Variants in MKS1 observed in about 807,000 individuals in gnomAD.
The protein encoded by MKS1 is MKS transition zone complex subunit 1.
In MKS1, 70 loss-of-function variants were observed where a neutral mutation model predicts 83.7. The ratio of observed to expected loss-of-function variants is 0.84; its 90% CI spans 0.69 to 1.02. The LOEUF is 1.02. Among genes scored for constraint, MKS1 ranks in the 50% least tolerant of loss-of-function variants. MKS1 has a pLI of 0.00. For missense variants in MKS1, 681 were observed against 726.9 expected (o/e 0.94, Z 0.73); for synonymous variants, 251 against 273.4 (o/e 0.92, Z 0.81).
intron 5 of MKS1, 142 bp downstream of exon 5, chr17:58,214,599 T>A: frequency 9.7e-7 from 1 of 1,034,762 alleles, no homozygotes; most frequent in Non-Finnish European, 1.3e-6. Flanking sequence ...AGGAAGATAT[T>A]TTATATTTTT....
chr17:58,210,612 A>T (rs1164799955), intron 11 of MKS1, 47 bp downstream of exon 11: 2 of 1,548,750 alleles, frequency 1.3e-6, no homozygotes, highest in Non-Finnish European at 1.8e-6. Context: ...ATGCCTCTAG[A>T]TCTGTCTGAA....
rs794727070 is a variant in MKS1, at chr17:58,208,585, T to G, written c.1025-2A>C. On this transcript the variant is annotated splice_acceptor_variant, in intron 11 of 17. Transcript: ENST00000393119. LOFTEE classifies it high-confidence loss of function. The stretch of plus-strand genomic sequence containing the variant: ...GCTGGAATGCTGGGCTTGACCAGTC[T>G]GAAAGCCAAAGACCAAATATAGTAA... 1 of 1,614,070 alleles carries G rather than the reference T, an allele frequency of 6.2e-7. No individual in the cohort carries two copies. Among genetic ancestry groups the G allele is most frequent in the Non-Finnish European group, 8.5e-7 (1 of 1,179,964 alleles).
In MKS1 at chr17:58,208,671, T is replaced by C. The variant is rs1183803317; in HGVS notation, c.1025-88A>G. 5.5e-6 allele frequency: 7 copies of C among 1,276,756 alleles called. No individual in the cohort carries two copies. The African/African-American group carries it at 6.0e-5, about 11-fold the overall frequency. 79.1% of individuals were successfully genotyped at this position (1,276,756 alleles called of 1,614,324 possible). A position where few individuals can be genotyped will look rare whatever the true frequency, so the allele number is the denominator to read the frequency against. Reference sequence around the variant, plus strand: ...GACAGTTTCTTTTTTCTTTTCTTTTTTTTTTTTGTATTTATTGATCATTCT... The same window carrying C: ...GACAGTTTCTTTTTTCTTTTCTTTTCTTTTTTTGTATTTATTGATCATTCT... On this transcript the variant is annotated intron_variant, in intron 11 of 17. Transcript: ENST00000393119.
Position 58,208,506 on chromosome 17 carries a change from T to C in MKS1, c.1095+7A>G. The stretch of plus-strand genomic sequence containing the variant: ...CCCTTCCAGATACCCGCTCTCATTC[T>C]CCATACCATTGCCAGGGACTTGGTG... On this transcript the variant is annotated splice_region_variant and intron_variant, in intron 12 of 17. Coordinates refer to ENST00000393119, the MANE Select transcript of MKS1 (RefSeq NM_017777.4). 1.2e-6 allele frequency: 2 copies of C among 1,613,800 alleles called. No homozygotes were observed. Among genetic ancestry groups the C allele is most frequent in the Non-Finnish European group, 1.7e-6 (2 of 1,179,740 alleles).
intron 15 of MKS1, 117 bp downstream of exon 15, chr17:58,206,968 G>A: frequency 7.0e-7 from 1 of 1,428,376 alleles, no homozygotes; most frequent in Non-Finnish European, 9.9e-7. Flanking sequence ...CCACAGGAAG[G>A]AAGGGGTTAA....
chr17:58,213,722 G>A (rs866879667), intron 7 of MKS1, 43 bp downstream of exon 7: 2 of 1,469,216 alleles, frequency 1.4e-6, no homozygotes, highest in Middle Eastern at 1.8e-4. Flanking sequence ...GCAACCAAGG[G>A]AAGGAATGCC....
rs1968739954 is a variant in MKS1 at position 58,209,386 on chromosome 17, C to T, written c.1025-803G>A. On this transcript the variant is annotated intron_variant, in intron 11 of 17. Transcript: ENST00000393119. This position sits in a 1 kb window ranked among gnomAD's most constrained non-coding sequence, Gnocchi z 4.1. The stretch of plus-strand genomic sequence containing the variant: ...AGATCCCCATCTCTCATGGAGCTGA[C>T]ATTCTGGGGGAAGCAGGGAGACAGA... Among the ~76,000 whole-genome samples the T allele has an allele frequency of 6.6e-6, 1 of 152,160 alleles. No individual in the cohort carries two copies. Among genetic ancestry groups the T allele is most frequent in the Non-Finnish European group, 1.5e-5 (1 of 68,034 alleles).
chr17:58,207,250 T>C (rs1392484128), intron 14 of MKS1, 32 bp from the exon 15 acceptor site: 6 of 1,612,690 alleles, frequency 3.7e-6, no homozygotes, highest in Middle Eastern at 1.9e-4. Context: ...TGGGGCCAGG[T>C]CCAGAAAGGG....
Position 58,205,480 on chromosome 17 carries a change from CA to C in MKS1, c.*598del. On this transcript the variant is annotated 3_prime_UTR_variant, in exon 18 of 18. Transcript: ENST00000393119. Reference sequence around the variant, plus strand: ...GTTTATGTAACAAAAAACAAAAAAACAAACAAACAAAAAAACACAGTAAAAG... The same window carrying C: ...GTTTATGTAACAAAAAACAAAAAAACAACAAACAAAAAAACACAGTAAAAG... 8.0e-7 allele frequency: 1 copy of C among 1,251,758 alleles called. No individual in the cohort carries two copies. The highest frequency in any genetic ancestry group is 1.0e-6 in the Non-Finnish European group (1 of 968,974). The allele number at this position is 1,251,758 out of a possible 1,614,324, so 77.5% of individuals were successfully genotyped here.
At position 58,209,551 on chromosome 17, in the gene MKS1, A is replaced by G. The variant is rs1041546602; in HGVS notation, c.1025-968T>C. Among the ~76,000 whole-genome samples the G allele has an allele frequency of 3.3e-5, 5 of 152,190 alleles. No individual in the cohort carries two copies. Among genetic ancestry groups the G allele is most frequent in the African/African-American group, 1.2e-4 (5 of 41,430 alleles). The stretch of plus-strand genomic sequence containing the variant: ...CCTCTCAGAGGCGACACAGGCTGAG[A>G]CCTAAACTCAGAAAGAACCAGCCAT... On this transcript the variant is annotated intron_variant, in intron 11 of 17. Transcript: ENST00000393119. This position sits in a 1 kb window ranked among gnomAD's most constrained non-coding sequence, Gnocchi z 4.1.
In MKS1 at chr17:58,205,598, C is replaced by G. The variant is rs1355254525; in HGVS notation, c.*481G>C. On this transcript the variant is annotated 3_prime_UTR_variant, in exon 18 of 18. Transcript: ENST00000393119. ...TATCTCAACCTCAGCAAGCCCCAAG[C>G]AGTAGAATGAGGCTTCCCTGGAAAG... The G allele has an allele frequency of 2.3e-6, 3 of 1,305,876 alleles. No individual in the cohort carries two copies. The African/African-American group carries it at 4.6e-5, about 20-fold the overall frequency. The allele number at this position is 1,305,876 out of a possible 1,614,324, so 80.9% of individuals were successfully genotyped here. A position where few individuals can be genotyped will look rare whatever the true frequency, so the allele number is the denominator to read the frequency against.
intron 4 of MKS1, 163 bp downstream of exon 4, chr17:58,215,925 A>G: frequency 1.2e-6 from 1 of 857,254 alleles, no homozygotes; most frequent in Non-Finnish European, 1.9e-6. Context: ...GACTGTGCCC[A>G]TTCTATTCCA....
chr17:58,207,964 G>T lies in MKS1; in HGVS notation c.1203C>A (p.Val401=), dbSNP rs1567796495. Residue 401 remains valine (V), a synonymous_variant, in exon 14 of 18, where the codon GTC becomes GTA. Transcript: ENST00000393119. ...LPEWPVLYCE[V]LSLDFWQRYR... is the part of the protein sequence containing the mutation. ...ACCTCTGCCAGAAGTCCAGCGAGAG[G>T]ACCTCACAGTAGAGCACAGGCCACT... The T allele has an allele frequency of 6.2e-7, 1 of 1,614,142 alleles. No individual in the cohort carries two copies.
At position 58,210,063 on chromosome 17, in the gene MKS1, G is replaced by C. The variant is rs539604613; in HGVS notation, c.1024+596C>G. 2.6e-5 allele frequency among the ~76,000 whole-genome samples: 4 copies of C among 152,346 alleles called. No homozygotes were observed. The East Asian group carries it at 7.7e-4, about 29-fold the overall frequency. On this transcript the variant is annotated intron_variant, in intron 11 of 17. Coordinates refer to ENST00000393119, the MANE Select transcript of MKS1 (RefSeq NM_017777.4). Reference sequence around the variant, plus strand: ...CTAGGTTTTTGGCATCAACAACTCAGTAGATGACACTGCCATTCTGTTAGG... The same window carrying C: ...CTAGGTTTTTGGCATCAACAACTCACTAGATGACACTGCCATTCTGTTAGG...
Position 58,206,030 on chromosome 17 carries a change from G to T in MKS1, c.*49C>A, listed in dbSNP as rs371962780. 130 of 1,571,202 alleles carry T rather than the reference G, an allele frequency of 8.3e-5. No individual in the cohort carries two copies. Among genetic ancestry groups the T allele is most frequent in the Non-Finnish European group, 1.1e-4 (128 of 1,159,772 alleles). On this transcript the variant is annotated 3_prime_UTR_variant, in exon 18 of 18. Transcript: ENST00000393119. ...AAGAGGCAGGAGAGCACTGGCCTCA[G>T]ATATCCCCCATCTTGTCCTCTTGCA...
chr17:58,210,618 CTGAA>C, intron 11 of MKS1, 37 bp downstream of exon 11: 4 of 1,570,352 alleles, frequency 2.5e-6, no homozygotes, highest in Non-Finnish European at 3.5e-6. Flanking sequence ...CTAGATCTGT[CTGAA>C]TGGGTATAAA....
chr17:58,215,336 T>A (rs923544342), intron 4 of MKS1, among the ~76,000 whole-genome samples: 1 of 152,202 alleles, frequency 6.6e-6, no homozygotes, highest in African/African-American at 2.4e-5. Context: ...CATAGCTCAC[T>A]GCAACCTTGA....
intron 9 of MKS1, chr17:58,211,240 G>A (rs913544353): frequency 3.4e-6 from 2 of 582,590 alleles, no homozygotes; most frequent in African/African-American, 3.7e-5. Flanking sequence ...TTAAATGGCA[G>A]TGAGGACAAT....
At position 58,214,364 on chromosome 17, in the gene MKS1, C is replaced by A. The variant is rs145764409; in HGVS notation, c.539G>T (p.Arg180Leu). ...RGMEGGILKS[R>L]IVTWEPSEEF... ...TTCTGAGGGCTCCCAGGTGACGATG[C>A]GTGACTTGAGGATGCCGCCCTCCCT... Residue 180 changes from arginine to leucine, a missense_variant, in exon 6 of 18, where the codon CGC (arginine) becomes CTC (leucine). Around this residue, in one of 3 missense-constraint regions of MKS1, gnomAD observed 365 missense variants for 383.8 expected, o/e 0.95. Transcript: ENST00000393119. 4 of 1,613,552 alleles carry A rather than the reference C, an allele frequency of 2.5e-6. No individual in the cohort carries two copies. The highest frequency in any genetic ancestry group is 2.2e-5 in the East Asian group (1 of 44,884).
Sources: allele counts gnomAD v4.1 joint callset (sites outside exome capture counted in the v4.1 genomes callset), GRCh38; gene constraint gnomAD v4.1.1; regional missense constraint gnomAD v4.1.1; non-coding constraint Gnocchi (gnomAD v3.1); transcripts MANE v1.5; gene names NCBI Gene and HGNC (gene_info 2026-07-23, HGNC 2026-07-21).